The following DOCK2 variants were observed in gnomAD, a reference collection of about 807,000 sequenced individuals.
The protein encoded by DOCK2 is dedicator of cytokinesis protein 2.
A neutral mutation model predicts 248.9 loss-of-function variants in DOCK2; 87 were observed. The ratio of observed to expected loss-of-function variants is 0.35; its 90% CI spans 0.29 to 0.42. The LOEUF is 0.42. Ranked by LOEUF, DOCK2 falls within the 10% of genes least tolerant of loss-of-function variation. The probability of loss-of-function intolerance (pLI) is 1.00; values close to 1 mark genes in which losing one functional copy is unlikely to be tolerated. For synonymous variants in DOCK2, 805 were observed against 821.6 expected, an observed-to-expected ratio of 0.98 and a Z score of 0.35; for missense variants, 1,747 against 2,300.2, an observed-to-expected ratio of 0.76 and a Z score of 4.92.
chr5:169,791,980 C>A (rs964119391), intron 25 of DOCK2, among the ~76,000 whole-genome samples: 2 of 152,076 alleles, frequency 1.3e-5, no homozygotes, highest in East Asian at 3.9e-4. Flanking sequence ...TGACCATGGA[C>A]TAGCTAATAA....
intron 33 of DOCK2, among the ~76,000 whole-genome samples, chr5:170,019,385 A>C (rs1312505203): frequency 6.6e-6 from 1 of 152,074 alleles, no homozygotes; most frequent in African/African-American, 2.4e-5. Flanking sequence ...CTACCTAATG[A>C]TTCCCTAAAA....
chr5:169,922,561 G>A (rs1466917737), intron 27 of DOCK2, among the ~76,000 whole-genome samples: 2 of 152,286 alleles, frequency 1.3e-5, no homozygotes, highest in South Asian at 2.1e-4. Flanking sequence ...AAAAATAACC[G>A]TTAATGGTTG....
chr5:169,656,556 G>C (rs545243882), intron 2 of DOCK2, among the ~76,000 whole-genome samples: 1 of 152,050 alleles, frequency 6.6e-6, no homozygotes, highest in Non-Finnish European at 1.5e-5. Flanking sequence ...TAGGTGATTC[G>C]TGCACCTCGG....
At chr5:170,019,423 C>G (rs1248464568) in intron 33 of DOCK2, among the ~76,000 whole-genome samples, 1 of 152,192 alleles carries the variant, frequency 6.6e-6, no homozygotes. Flanking sequence ...ACCCGTCCCA[C>G]CTGTCCCACT....
intron 6 of DOCK2, among the ~76,000 whole-genome samples, chr5:169,677,545 G>T (rs571451116): frequency 6.6e-6 from 1 of 152,260 alleles, no homozygotes; most frequent in Non-Finnish European, 1.5e-5. Flanking sequence ...CCATAAATAT[G>T]TATGATTTTT....
chr5:169,706,303 C>G (rs755798392), intron 14 of DOCK2, among the ~76,000 whole-genome samples: 1 of 152,218 alleles, frequency 6.6e-6, no homozygotes, highest in Non-Finnish European at 1.5e-5. Context: ...TACAGAAACT[C>G]TAAGCCCATA....
chr5:169,962,862 TCTC>T (rs1777147246), intron 27 of DOCK2, among the ~76,000 whole-genome samples: 1 of 152,030 alleles, frequency 6.6e-6, no homozygotes. Context: ...GAGGCAGAAT[TCTC>T]CTTGCCCAGA....
chr5:169,725,428 G>A (rs114346812), intron 22 of DOCK2, among the ~76,000 whole-genome samples: 1,633 of 152,282 alleles, frequency 0.011, 30 homozygotes, highest in African/African-American at 0.037. Flanking sequence ...CAACTGTTAA[G>A]TAAGTTGCCT....
intron 6 of DOCK2, among the ~76,000 whole-genome samples, chr5:169,681,303 T>C (rs551108974): frequency 5.1e-4 from 77 of 151,904 alleles, no homozygotes; most frequent in Non-Finnish European, 9.0e-4. Context: ...TTTGTATTTT[T>C]AGTAGAGACA....
chr5:169,794,858 G>T (rs1766552102), intron 25 of DOCK2, among the ~76,000 whole-genome samples: 1 of 152,244 alleles, frequency 6.6e-6, no homozygotes, highest in African/African-American at 2.4e-5. Context: ...GGGAGGCGAA[G>T]CTTGCAGTGA....
intron 27 of DOCK2, among the ~76,000 whole-genome samples, chr5:169,870,567 G>C (rs261023): frequency 6.6e-6 from 1 of 151,846 alleles, no homozygotes; most frequent in Non-Finnish European, 1.5e-5. Flanking sequence ...AGATCTGTGG[G>C]TTTTTTTCTT....
intron 49 of DOCK2, 38 bp from the exon 50 acceptor site, chr5:170,080,125 T>G (rs1024312659): frequency 6.2e-7 from 1 of 1,612,102 alleles, no homozygotes; most frequent in Non-Finnish European, 8.5e-7. Flanking sequence ...AGCCTCTGTC[T>G]TTGTGTGTGT....
At chr5:169,643,517 G>A (rs983306607) in intron 1 of DOCK2, among the ~76,000 whole-genome samples, 2 of 152,188 alleles carry the variant, frequency 1.3e-5, no homozygotes, top group African/African-American at 2.4e-5. Flanking sequence ...GATCCCTCGC[G>A]TGTGCAGGTC....
chr5:169,907,030 C>T (rs1774320808), intron 27 of DOCK2, among the ~76,000 whole-genome samples: 1 of 152,196 alleles, frequency 6.6e-6, no homozygotes. Flanking sequence ...TCCCTGCTCT[C>T]ACTGAGCTTA....
At chr5:170,074,116 A>G (rs890403388) in intron 46 of DOCK2, among the ~76,000 whole-genome samples, 1 of 152,120 alleles carries the variant, frequency 6.6e-6, no homozygotes, top group Non-Finnish European at 1.5e-5. Flanking sequence ...TACTATTTAT[A>G]TGTAGTTTTT....
intron 27 of DOCK2, among the ~76,000 whole-genome samples, chr5:169,921,202 T>C (rs565228188): frequency 6.6e-6 from 1 of 152,218 alleles, no homozygotes; most frequent in Non-Finnish European, 1.5e-5. Context: ...AAATTGTGTT[T>C]GTGTTTGTGA....
chr5:169,886,327 C>T (rs756069068), intron 27 of DOCK2, among the ~76,000 whole-genome samples: 8 of 152,060 alleles, frequency 5.3e-5, no homozygotes, highest in Non-Finnish European at 1.2e-4. Flanking sequence ...CTACTGGTCC[C>T]GAGTTGCTTT....
intron 26 of DOCK2, among the ~76,000 whole-genome samples, chr5:169,812,744 A>G (rs1022014148): frequency 5.3e-5 from 8 of 152,208 alleles, no homozygotes; most frequent in African/African-American, 9.7e-5. Context: ...ATTCACTCAT[A>G]TGCTCTTTCT....
chr5:170,044,193 T>A (rs111228371), intron 38 of DOCK2, among the ~76,000 whole-genome samples: 2,452 of 152,340 alleles, frequency 0.016, 36 homozygotes, highest in Middle Eastern at 0.048. Context: ...CATCACCCGA[T>A]AGACTCCTCT....
Sources: gnomAD v4.1 joint callset for allele counts (sites outside exome capture counted in the v4.1 genomes callset) on GRCh38, gnomAD v4.1.1 for gene constraint, MANE v1.5 for transcripts, NCBI Gene and HGNC (gene_info 2026-07-23, HGNC 2026-07-21) for gene names.